NFIB: variants seen among roughly 807,000 people sequenced by gnomAD.
The protein encoded by NFIB is nuclear factor I B.
Under a neutral mutation model 61.5 loss-of-function variants are expected in NFIB, and 11 were observed. The observed-to-expected ratio is 0.18, with a 90% CI of 0.11 to 0.30. NFIB has a LOEUF of 0.30. NFIB is among the 10% of genes least tolerant of loss of function. The probability of loss-of-function intolerance (pLI) is 1.00; values close to 1 mark genes in which losing one functional copy is unlikely to be tolerated. For synonymous variants in NFIB, 260 were observed against 216.5 expected (o/e 1.20, Z -1.76); for missense variants, 471 against 608.9 (o/e 0.77, Z 2.38).
the NFIB span, among the ~76,000 whole-genome samples, chr9:14,473,971 T>C: frequency 1.4e-4 from 21 of 152,312 alleles, no homozygotes; most frequent in Non-Finnish European, 2.5e-4. Context: ...GTGCAGAGTC[T>C]TCAGGAAGCC....
At chr9:14,479,729 G>A in the NFIB span, among the ~76,000 whole-genome samples, 1 of 152,316 alleles carries the variant, frequency 6.6e-6, no homozygotes, top group African/African-American at 2.4e-5. Flanking sequence ...TAAAGATCAT[G>A]TGCATTCACA....
In NFIB at chr9:14,141,918, AAAAAAAAAC is replaced by A. The variant is rs1214394865; in HGVS notation, c.925+4762_925+4770del. On this transcript the variant is annotated intron_variant, in intron 6 of 10. Coordinates refer to ENST00000380953, the MANE Select transcript of NFIB (RefSeq NM_001190737.2). ...TGCTGCTCACAAAAAAAAAAAAAAA[AAAAAAAAAC>A]AACGAAATCCCCAGCTGCATACTGC... 2.5e-3 allele frequency among the ~76,000 whole-genome samples: 253 copies of A among 100,074 alleles called. 1 individual carries two copies. Among genetic ancestry groups the A allele is most frequent in the East Asian group, 0.018 (58 of 3,284 alleles). The allele number at this position is 100,074 out of a possible 152,430, so 65.7% of individuals were successfully genotyped here. A position where few individuals can be genotyped will look rare whatever the true frequency, so the allele number is the denominator to read the frequency against.
chr9:14,427,937 G>GTGTTTTTT, the NFIB span, among the ~76,000 whole-genome samples: 2 of 43,384 alleles, frequency 4.6e-5, no homozygotes, highest in African/African-American at 1.6e-4. Context: ...TAATTCAGTT[G>GTGTTTTTT]TTTTTTTTTT....
At position 14,262,584 on chromosome 9, in the gene NFIB, T is replaced by G. The variant is rs932641056; in HGVS notation, c.562+44405A>C. Among the ~76,000 whole-genome samples the G allele has an allele frequency of 2.1e-4, 32 of 152,276 alleles. 1 individual carries two copies. Among genetic ancestry groups the G allele is most frequent in the Admixed American group, 2.1e-3 (32 of 15,298 alleles). On this transcript the variant is annotated intron_variant, in intron 2 of 10. Transcript: ENST00000380953. ...TGGGCTGAAGGCTAGAAAAAAGGGT[T>G]AGAATTGAGACAAGGAAAAGGAGCC...
chr9:14,171,600 A>C (rs536441672), intron 3 of NFIB, among the ~76,000 whole-genome samples: 3 of 152,336 alleles, frequency 2.0e-5, no homozygotes, highest in African/African-American at 7.2e-5. Context: ...ATAAGGAAGA[A>C]AAAGGGTTCC....
At chr9:14,465,648 T>C in the NFIB span, among the ~76,000 whole-genome samples, 1 of 151,288 alleles carries the variant, frequency 6.6e-6, no homozygotes, top group Non-Finnish European at 1.5e-5. Flanking sequence ...TTGGCTGTCA[T>C]AGTGTGAATC....
At chr9:14,137,382 G>C (rs2041179937) in intron 6 of NFIB, among the ~76,000 whole-genome samples, 1 of 152,200 alleles carries the variant, frequency 6.6e-6, no homozygotes, top group Non-Finnish European at 1.5e-5. Context: ...TATTCAATGA[G>C]AGTGTTTAAA....
chr9:14,233,548 C>A (rs1057207941), intron 2 of NFIB, among the ~76,000 whole-genome samples: 1 of 151,616 alleles, frequency 6.6e-6, no homozygotes, highest in East Asian at 1.9e-4. Context: ...CTTGCCTCAG[C>A]CTCTCAAGTA....
At chr9:14,180,976 C>A (rs1022173833) in intron 2 of NFIB, among the ~76,000 whole-genome samples, 3 of 152,188 alleles carry the variant, frequency 2.0e-5, no homozygotes, top group African/African-American at 7.2e-5. Context: ...TCTCTTCCCC[C>A]AAACCTTGCC....
chr9:14,167,006 C>T (rs778255469), intron 3 of NFIB, among the ~76,000 whole-genome samples: 1 of 147,630 alleles, frequency 6.8e-6, no homozygotes, highest in Non-Finnish European at 1.5e-5. Flanking sequence ...GATATGTCCT[C>T]GTGGTTCTTG....
At chr9:14,312,324 A>C (rs1370048664) in intron 1 of NFIB, among the ~76,000 whole-genome samples, 1 of 152,208 alleles carries the variant, frequency 6.6e-6, no homozygotes, top group African/African-American at 2.4e-5. Context: ...GTGATATTAG[A>C]TGTTTTTAAA....
chr9:14,136,941 C>T (rs1050175709), intron 6 of NFIB, among the ~76,000 whole-genome samples: 2 of 151,468 alleles, frequency 1.3e-5, no homozygotes, highest in Non-Finnish European at 2.9e-5. Flanking sequence ...TTTTTTTCTC[C>T]AACAAATGTA....
chr9:14,171,986 T>C (rs2045613573), intron 3 of NFIB, among the ~76,000 whole-genome samples: 1 of 152,200 alleles, frequency 6.6e-6, no homozygotes, highest in African/African-American at 2.4e-5. Context: ...CATAGGAAGG[T>C]TCCTGGATTA....
intron 2 of NFIB, among the ~76,000 whole-genome samples, chr9:14,281,811 G>C (rs754248282): frequency 6.6e-6 from 1 of 151,878 alleles, no homozygotes; most frequent in African/African-American, 2.4e-5. Context: ...GTTCTCACAC[G>C]TTCACATGCA....
chr9:14,139,465 T>C (rs1308474128), intron 6 of NFIB, among the ~76,000 whole-genome samples: 2 of 152,194 alleles, frequency 1.3e-5, no homozygotes, highest in African/African-American at 4.8e-5. Context: ...CACTATGACA[T>C]TATCTCCCAT....
At chr9:14,398,857 G>T in exon 1 of NFIB, 1 of 435,868 alleles carries the variant, frequency 2.3e-6, no homozygotes, top group Non-Finnish European at 4.0e-6. Flanking sequence ...GTACACTCGA[G>T]GAGTTTACTC....
intron 2 of NFIB, among the ~76,000 whole-genome samples, chr9:14,281,832 C>T (rs561296484): frequency 1.3e-5 from 2 of 151,838 alleles, no homozygotes; most frequent in South Asian, 2.1e-4. Context: ...CACACACACA[C>T]GTGCACACCC....
upstream of NFIB, among the ~76,000 whole-genome samples, chr9:14,403,117 G>A (rs1267692741): frequency 7.9e-5 from 12 of 152,174 alleles, no homozygotes. Flanking sequence ...CATTTCTTTT[G>A]TCCTGTTCTT....
rs2060367578 is a variant in NFIB at position 14,313,191 on chromosome 9, A to T, written c.30+291T>A. ...CCACAACGGGCACTTGAGGGGCCGC[A>T]CGGGGCCTCGCACTTACAGGTCCCG... is the stretch of plus-strand genomic sequence containing the variant. On this transcript the variant is annotated intron_variant, in intron 1 of 10. Transcript: ENST00000380953. This position sits in a 1 kb window ranked among gnomAD's most constrained non-coding sequence, Gnocchi z 4.5. Among the ~76,000 whole-genome samples, 1 of 151,990 alleles carries T rather than the reference A, an allele frequency of 6.6e-6. No individual in the cohort carries two copies. The highest frequency in any genetic ancestry group is 2.1e-4 in the South Asian group (1 of 4,822).
Sources: allele counts gnomAD v4.1 joint callset (sites outside exome capture counted in the v4.1 genomes callset), GRCh38; gene constraint gnomAD v4.1.1; non-coding constraint Gnocchi (gnomAD v3.1); transcripts MANE v1.5; gene names NCBI Gene and HGNC (gene_info 2026-07-23, HGNC 2026-07-21).